The following RALGDS variants were observed in gnomAD, a reference collection of about 807,000 sequenced individuals.
RALGDS encodes ral guanine nucleotide dissociation stimulator, also known as ral guanine nucleotide exchange factor.
A neutral mutation model predicts 99.8 loss-of-function variants in RALGDS; 44 were observed. That is an observed-to-expected ratio of 0.44 (90% confidence interval 0.35 to 0.57). The LOEUF (loss-of-function observed/expected upper bound fraction) is 0.57, where lower values mean the gene tolerates loss of function less well. Ranked by LOEUF, RALGDS falls within the 20% of genes least tolerant of loss-of-function variation. The pLI is 0.01. For synonymous variants in RALGDS, 529 were observed against 505.0 expected (o/e 1.05, Z -0.64); for missense variants, 1,022 against 1,203.1 (o/e 0.85, Z 2.23).
chr9:133,104,482 C>G (rs1830919551), intron 9 of RALGDS, 151 bp from the exon 10 acceptor site: 1 of 691,246 alleles, frequency 1.4e-6, no homozygotes, highest in African/African-American at 1.8e-5. Context: ...CCTGGCCTTC[C>G]TGAGCCTGCC....
intron 1 of RALGDS, among the ~76,000 whole-genome samples, chr9:133,136,919 A>G: frequency 6.6e-6 from 1 of 152,076 alleles, no homozygotes; most frequent in East Asian, 1.9e-4. Flanking sequence ...AGCCTAGGCG[A>G]CAGAGCAAGA....
At chr9:133,113,100 T>C (rs907145659) in intron 1 of RALGDS, among the ~76,000 whole-genome samples, 2 of 152,146 alleles carry the variant, frequency 1.3e-5, no homozygotes, top group African/African-American at 4.8e-5. Flanking sequence ...TGCCACCTGC[T>C]CTGTCCAGGG....
At chr9:133,111,972 C>G (rs934905655) in intron 2 of RALGDS, 70 bp downstream of exon 2, 1 of 1,149,290 alleles carries the variant, frequency 8.7e-7, no homozygotes, top group Non-Finnish European at 1.3e-6. Context: ...GAACTGGGGG[C>G]CCTCAAGTGA....
At chr9:133,143,581 C>G (rs1172676227) in intron 1 of RALGDS, among the ~76,000 whole-genome samples, 1 of 151,850 alleles carries the variant, frequency 6.6e-6, no homozygotes, top group Non-Finnish European at 1.5e-5. Context: ...CATGGTGAAA[C>G]TGTTTCTACA....
chr9:133,147,335 T>A (rs553196640), intron 1 of RALGDS, among the ~76,000 whole-genome samples: 1 of 152,208 alleles, frequency 6.6e-6, no homozygotes, highest in Non-Finnish European at 1.5e-5. Flanking sequence ...CCGGCATTAT[T>A]TTCGCTGCAG....
chr9:133,142,152 TGGGGAGG>T (rs1205503965), intron 1 of RALGDS, among the ~76,000 whole-genome samples: 1 of 151,570 alleles, frequency 6.6e-6, no homozygotes, highest in African/African-American at 2.4e-5. Context: ...AGTGGGGAGA[TGGGGAGG>T]GGGGAGTGGA....
In RALGDS at chr9:133,121,007, A is replaced by G; in HGVS notation, c.148T>C (p.Phe50Leu). The G allele has an allele frequency of 6.7e-7, 1 of 1,497,580 alleles. No homozygotes were observed. Among genetic ancestry groups the G allele is most frequent in the Non-Finnish European group, 8.8e-7 (1 of 1,130,418 alleles). 92.8% of individuals were successfully genotyped at this position (1,497,580 alleles called of 1,614,324 possible). Residue 50 changes from phenylalanine to leucine, a missense_variant, in exon 1 of 18, where the codon TTC (phenylalanine) becomes CTC (leucine). Physicochemically the swap from Phe to Leu is conservative, Grantham distance 22 (BLOSUM62 0). Coordinates refer to ENST00000372050, the MANE Select transcript of RALGDS (RefSeq NM_006266.4). ...PDSCPVVLHS[F>L]TQLDPDLPRP... is the part of the protein sequence containing the mutation. ...GGCAGGTCGGGGTCTAGCTGCGTGAAGCTGTGCAGCACCACCGGGCAGCTG... is the reference window on the plus strand; with the variant it reads ...GGCAGGTCGGGGTCTAGCTGCGTGAGGCTGTGCAGCACCACCGGGCAGCTG...
chr9:133,118,200 C>A (rs1363357046), intron 1 of RALGDS, among the ~76,000 whole-genome samples: 1 of 152,230 alleles, frequency 6.6e-6, no homozygotes, highest in Non-Finnish European at 1.5e-5. Flanking sequence ...ACAGTCTGTA[C>A]ACATGCATGC....
intron 16 of RALGDS, 95 bp downstream of exon 16, chr9:133,101,425 A>G: frequency 1.3e-6 from 2 of 1,595,914 alleles, no homozygotes; most frequent in Non-Finnish European, 1.7e-6. Flanking sequence ...CGCCAACTAC[A>G]AGGTAGACCC....
intron 11 of RALGDS, 144 bp from the exon 12 acceptor site, chr9:133,103,406 C>T: frequency 9.7e-7 from 1 of 1,029,750 alleles, no homozygotes; most frequent in Non-Finnish European, 1.5e-6. Context: ...GGCACCAGGG[C>T]AAGGGGACAT....
intron 1 of RALGDS, among the ~76,000 whole-genome samples, chr9:133,141,363 A>G (rs1053774878): frequency 2.6e-5 from 4 of 152,118 alleles, no homozygotes; most frequent in Admixed American, 2.6e-4. Context: ...CAGGCTGGAC[A>G]CCCCTCATCC....
chr9:133,102,418 C>T, intron 14 of RALGDS, 58 bp downstream of exon 14: 2 of 1,545,894 alleles, frequency 1.3e-6, no homozygotes, highest in Non-Finnish European at 1.8e-6. Context: ...CCAGGCTCAG[C>T]CCTGAAGCTT....
intron 10 of RALGDS, 48 bp downstream of exon 10, chr9:133,104,215 T>A: frequency 6.5e-7 from 1 of 1,545,332 alleles, no homozygotes; most frequent in Non-Finnish European, 8.9e-7. Context: ...CCCTCCTCCC[T>A]ACCCCCAGGC....
chr9:133,110,233 A>G, intron 3 of RALGDS, 63 bp downstream of exon 3: 1 of 1,513,678 alleles, frequency 6.6e-7, no homozygotes, highest in Non-Finnish European at 9.2e-7. Context: ...CAAGACCCGC[A>G]GCCAGGTGGG....
At chr9:133,107,378 G>T in intron 6 of RALGDS, 78 bp from the exon 7 acceptor site, 3 of 1,278,604 alleles carry the variant, frequency 2.3e-6, no homozygotes, top group South Asian at 2.5e-5. Flanking sequence ...GATGCAGCTT[G>T]AGCCTTGTGG....
chr9:133,141,758 C>T (rs1377479919), intron 1 of RALGDS, among the ~76,000 whole-genome samples: 3 of 152,234 alleles, frequency 2.0e-5, no homozygotes, highest in Non-Finnish European at 4.4e-5. Flanking sequence ...ATGCACTGAA[C>T]GGTAAACACA....
In RALGDS at chr9:133,102,040, G is replaced by A. The variant is rs200199802; in HGVS notation, c.2109C>T (p.Ile703=). Residue 703 remains isoleucine, a synonymous_variant, in exon 15 of 18, where the codon ATC becomes ATT. Coordinates refer to ENST00000372050, the MANE Select transcript of RALGDS (RefSeq NM_006266.4). ...RCGPYLSSGD[I]ADALSVHSAG... is the part of the protein sequence containing the mutation. ...CCGAGTGCACGCTGAGCGCGTCAGC[G>A]ATGTCCCCGCTGCTGAGGTAGGGGC... is the stretch of plus-strand genomic sequence containing the variant. 21 of 1,558,542 alleles carry A rather than the reference G, an allele frequency of 1.3e-5. No homozygotes were observed. The highest frequency in any genetic ancestry group is 4.1e-5 in the African/African-American group (3 of 73,654).
intron 13 of RALGDS, 47 bp downstream of exon 13, chr9:133,102,732 C>T (rs1172877850): frequency 3.1e-6 from 5 of 1,603,454 alleles, no homozygotes; most frequent in Non-Finnish European, 8.5e-7. Context: ...AGCTGGCCCC[C>T]TAGGACAGCC....
At chr9:133,100,233 C>T (rs1319751656) in intron 17 of RALGDS, 35 bp downstream of exon 17, 1 of 1,584,516 alleles carries the variant, frequency 6.3e-7, no homozygotes, top group Admixed American at 1.7e-5. Flanking sequence ...GTGGACCTGC[C>T]CCCTCTGCCA....
Sources: gnomAD v4.1 joint callset for allele counts (sites outside exome capture counted in the v4.1 genomes callset) on GRCh38, gnomAD v4.1.1 for gene constraint, MANE v1.5 for transcripts, NCBI Gene and HGNC (gene_info 2026-07-23, HGNC 2026-07-21) for gene names.